The following COBL variants were observed in gnomAD, a reference collection of about 807,000 sequenced individuals.
COBL encodes the protein cordon-bleu WH2 repeat protein.
A neutral mutation model predicts 98.8 loss-of-function variants in COBL; 51 were observed. The observed-to-expected ratio is 0.52, with a 90% CI of 0.41 to 0.65. The LOEUF is 0.65. Among genes scored for constraint, COBL ranks in the 30% least tolerant of loss-of-function variants. COBL has a pLI of 0.00. For synonymous variants in COBL, 634 were observed against 651.7 expected, an observed-to-expected ratio of 0.97 and a Z score of 0.41; for missense variants, 1,617 against 1,617.5, an observed-to-expected ratio of 1.00 and a Z score of 0.01.
At chr7:51,240,486 C>T (rs1366185225) in intron 1 of COBL, among the ~76,000 whole-genome samples, 1 of 152,226 alleles carries the variant, frequency 6.6e-6, no homozygotes, top group East Asian at 1.9e-4. Flanking sequence ...TGAACAAAAG[C>T]ATCTATGATC....
chr7:51,277,518 T>C (rs1799420050), intron 1 of COBL, among the ~76,000 whole-genome samples: 1 of 152,214 alleles, frequency 6.6e-6, no homozygotes, highest in Non-Finnish European at 1.5e-5. Context: ...TGGTAATCTC[T>C]CTCTGATACT....
chr7:51,272,691 C>T (rs1798874499), intron 1 of COBL, among the ~76,000 whole-genome samples: 1 of 152,094 alleles, frequency 6.6e-6, no homozygotes, highest in African/African-American at 2.4e-5. Flanking sequence ...CAAAGGGTTG[C>T]ACAAATTGGA....
chr7:51,278,803 T>C (rs1799548986), intron 1 of COBL, among the ~76,000 whole-genome samples: 1 of 152,150 alleles, frequency 6.6e-6, no homozygotes, highest in African/African-American at 2.4e-5. Context: ...ACACCAATCA[T>C]CTAGAGAACA....
At chr7:51,084,101 C>T (rs1793956720) in intron 7 of COBL, among the ~76,000 whole-genome samples, 1 of 152,124 alleles carries the variant, frequency 6.6e-6, no homozygotes, top group Non-Finnish European at 1.5e-5. Context: ...ACATGGAATA[C>T]AGGTTATTGC....
chr7:51,099,803 G>A (rs576976339), intron 6 of COBL, among the ~76,000 whole-genome samples: 51 of 151,996 alleles, frequency 3.4e-4, no homozygotes, highest in Non-Finnish European at 6.6e-4. Context: ...GCTCACATTC[G>A]GTTTGTGATA....
At chr7:51,164,038 A>T (rs1457270778) in intron 5 of COBL, among the ~76,000 whole-genome samples, 1 of 152,232 alleles carries the variant, frequency 6.6e-6, no homozygotes, top group Admixed American at 6.5e-5. Context: ...CCCATAGGTG[A>T]TGAACAGTGT....
At chr7:51,286,562 G>A (rs566252507) in intron 1 of COBL, among the ~76,000 whole-genome samples, 8 of 152,168 alleles carry the variant, frequency 5.3e-5, no homozygotes, top group African/African-American at 1.9e-4. Context: ...ACAATGAGAT[G>A]CCATCTCACA....
In COBL at chr7:51,185,841, G is replaced by A. The variant is rs765618716; in HGVS notation, c.686-1642C>T. On this transcript the variant is annotated intron_variant, in intron 4 of 12. Coordinates refer to ENST00000265136, the MANE Select transcript of COBL (RefSeq NM_015198.5). ...CAGTCAGTGCATTAATAACACAGGC[G>A]TGAACACTGATAGCGTCCACACAGC... Among the ~76,000 whole-genome samples the A allele has an allele frequency of 1.1e-4, 17 of 152,330 alleles. No homozygotes were observed. In the East Asian group the frequency reaches 1.2e-3, roughly 10 times the overall value.
chr7:51,242,859 C>T (rs774286772), intron 1 of COBL, among the ~76,000 whole-genome samples: 14 of 152,130 alleles, frequency 9.2e-5, no homozygotes, highest in Non-Finnish European at 1.8e-4. Context: ...TTATCACCTC[C>T]GCACAGCTGG....
intron 6 of COBL, among the ~76,000 whole-genome samples, chr7:51,134,424 A>C (rs1324107774): frequency 6.6e-6 from 1 of 152,222 alleles, no homozygotes; most frequent in African/African-American, 2.4e-5. Context: ...CAGAATTCCC[A>C]ATTCTCTACT....
intron 7 of COBL, among the ~76,000 whole-genome samples, chr7:51,053,060 C>T (rs1790388940): frequency 6.6e-6 from 1 of 152,164 alleles, no homozygotes; most frequent in African/African-American, 2.4e-5. Flanking sequence ...CTCTCCCTTC[C>T]CAGCACATAT....
chr7:51,206,746 C>T (rs181819324), intron 2 of COBL, among the ~76,000 whole-genome samples: 10 of 152,274 alleles, frequency 6.6e-5, no homozygotes, highest in African/African-American at 2.4e-4. Flanking sequence ...AGCTGGAGGA[C>T]ACTACACTAA....
Position 51,016,373 on chromosome 7 carries a change from AAC to A in COBL, c.*1176_*1177del. Reference sequence around the variant, plus strand: ...AGGCCTAGATCTGAGATCGCTGTGAAACATTAAAGTGACCTCACCATACTTGT... The same window carrying A: ...AGGCCTAGATCTGAGATCGCTGTGAAATTAAAGTGACCTCACCATACTTGT... On this transcript the variant is annotated 3_prime_UTR_variant, in exon 13 of 13. Coordinates refer to ENST00000265136, the MANE Select transcript of COBL (RefSeq NM_015198.5). The A allele has an allele frequency of 2.0e-5, 3 of 152,370 alleles. No individual in the cohort carries two copies. Among genetic ancestry groups the A allele is most frequent in the African/African-American group, 7.2e-5 (3 of 41,584 alleles). The allele number at this position is 152,370 out of a possible 1,614,324, so 9.4% of individuals were successfully genotyped here. A position where few individuals can be genotyped will look rare whatever the true frequency, so the allele number is the denominator to read the frequency against.
At chr7:51,154,446 G>A (rs1037078534) in intron 5 of COBL, among the ~76,000 whole-genome samples, 4 of 152,340 alleles carry the variant, frequency 2.6e-5, no homozygotes, top group Middle Eastern at 3.4e-3. Context: ...GGAGCAAATA[G>A]GATTCTAATG....
In COBL at chr7:51,016,544, A is replaced by T. The variant is rs546966110; in HGVS notation, c.*1007T>A. ...TTATAAATATTGGTGACTGGGCACC[A>T]TGTGAGAAGACCACGATATCATACA... On this transcript the variant is annotated 3_prime_UTR_variant, in exon 13 of 13. Transcript: ENST00000265136. 5.8e-6 allele frequency: 1 copy of T among 171,554 alleles called. No homozygotes were observed. Among genetic ancestry groups the T allele is most frequent in the Non-Finnish European group, 1.2e-5 (1 of 81,254 alleles). 10.6% of individuals were successfully genotyped at this position (171,554 alleles called of 1,614,324 possible). A position where few individuals can be genotyped will look rare whatever the true frequency, so the allele number is the denominator to read the frequency against.
chr7:51,254,260 T>C (rs1225804934), intron 1 of COBL, among the ~76,000 whole-genome samples: 2 of 152,186 alleles, frequency 1.3e-5, no homozygotes, highest in African/African-American at 2.4e-5. Context: ...GTGACCTTCA[T>C]AGATGAGGCA....
At chr7:51,073,033 A>T in intron 7 of COBL, 1 of 238,166 alleles carries the variant, frequency 4.2e-6, no homozygotes, top group Non-Finnish European at 8.0e-6. Context: ...CAATAAGAAA[A>T]ACATGAATTA....
intron 1 of COBL, among the ~76,000 whole-genome samples, chr7:51,242,273 G>A (rs1405427472): frequency 1.3e-5 from 2 of 152,216 alleles, no homozygotes; most frequent in Non-Finnish European, 2.9e-5. Flanking sequence ...AGTAACCAAT[G>A]GGAAATCTTC....
chr7:51,306,035 T>C (rs1475648780), intron 1 of COBL, among the ~76,000 whole-genome samples: 1 of 151,794 alleles, frequency 6.6e-6, no homozygotes, highest in Non-Finnish European at 1.5e-5. Flanking sequence ...CAAGACTCTG[T>C]CTTGGGGCGG....
Sources: allele counts gnomAD v4.1 joint callset (sites outside exome capture counted in the v4.1 genomes callset), GRCh38; gene constraint gnomAD v4.1.1; transcripts MANE v1.5; gene names NCBI Gene and HGNC (gene_info 2026-07-23, HGNC 2026-07-21).